FOXP1: variants seen among roughly 807,000 people sequenced by gnomAD.
FOXP1 encodes the protein forkhead box P1, also known as forkhead box protein P1.
In FOXP1, 15 loss-of-function variants were observed where a neutral mutation model predicts 98.2. The observed-to-expected ratio is 0.15, with a 90% CI of 0.10 to 0.24. The LOEUF (loss-of-function observed/expected upper bound fraction) is 0.24. FOXP1 is among the 10% of genes least tolerant of loss of function. The probability of loss-of-function intolerance (pLI) is 1.00; values close to 1 mark genes in which losing one functional copy is unlikely to be tolerated. For missense variants in FOXP1, 633 were observed against 848.5 expected (o/e 0.75, Z 3.15); for synonymous variants, 371 against 314.5 (o/e 1.18, Z -1.90).
intron 6 of FOXP1, among the ~76,000 whole-genome samples, chr3:71,143,699 C>A (rs2060174712): frequency 1.3e-5 from 2 of 152,056 alleles, no homozygotes; most frequent in South Asian, 4.1e-4. Flanking sequence ...TTAGAGGCCA[C>A]CCTGGGCAAC....
chr3:71,100,892 T>C (rs952617565), intron 7 of FOXP1, among the ~76,000 whole-genome samples: 1 of 152,102 alleles, frequency 6.6e-6, no homozygotes, highest in African/African-American at 2.4e-5. Context: ...GGCAGCAGGA[T>C]GGAGACATGG....
At chr3:71,411,506 T>C (rs771312024) in intron 3 of FOXP1, among the ~76,000 whole-genome samples, 5 of 152,140 alleles carry the variant, frequency 3.3e-5, no homozygotes, top group Non-Finnish European at 5.9e-5. Context: ...CTATTTTTAG[T>C]AGAGACAGGG....
chr3:71,227,418 C>A (rs1277481743), intron 5 of FOXP1, among the ~76,000 whole-genome samples: 2 of 152,174 alleles, frequency 1.3e-5, no homozygotes, highest in African/African-American at 4.8e-5. Flanking sequence ...AGAAACCCCC[C>A]AGAAAACTAT....
intron 2 of FOXP1, among the ~76,000 whole-genome samples, chr3:71,502,363 G>T (rs2041461547): frequency 2.0e-5 from 3 of 152,172 alleles, no homozygotes; most frequent in Non-Finnish European, 4.4e-5. Context: ...TAAGGCTTTT[G>T]TGGTAAACAT....
intron 4 of FOXP1, among the ~76,000 whole-genome samples, chr3:71,301,436 A>G: frequency 6.6e-6 from 1 of 152,202 alleles, no homozygotes; most frequent in East Asian, 1.9e-4. Context: ...CAAAGCGCAC[A>G]CAGAAATTTC....
chr3:71,110,402 T>TC (rs573273492), intron 7 of FOXP1, among the ~76,000 whole-genome samples: 198 of 152,122 alleles, frequency 1.3e-3, no homozygotes, highest in African/African-American at 3.5e-3. Flanking sequence ...GTGTAAGATT[T>TC]CCCCCCCAAT....
At chr3:71,441,566 G>A (rs1013150150) in intron 3 of FOXP1, among the ~76,000 whole-genome samples, 3 of 152,216 alleles carry the variant, frequency 2.0e-5, no homozygotes, top group African/African-American at 4.8e-5. Flanking sequence ...ATGATCCTAC[G>A]ATGCCCCCGG....
rs2031839256 is a variant in FOXP1 at position 70,956,544 on chromosome 3, T to TAACA, written c.*2699_*2702dup. 1 of 228,496 alleles carries TAACA rather than the reference T, an allele frequency of 4.4e-6. No individual in the cohort carries two copies. Among genetic ancestry groups the TAACA allele is most frequent in the East Asian group, 6.3e-5 (1 of 15,972 alleles). The allele number at this position is 228,496 out of a possible 1,614,324, so 14.2% of individuals were successfully genotyped here. A position where few individuals can be genotyped will look rare whatever the true frequency, so the allele number is the denominator to read the frequency against. On this transcript the variant is annotated 3_prime_UTR_variant, in exon 21 of 21. Transcript: ENST00000649528. The stretch of plus-strand genomic sequence containing the variant: ...AAGGTTTGAACTGAGGTATGCGTAC[T>TAACA]AACAGTTTCTCATGCTGTTATCTTT...
At chr3:70,997,572 T>C (rs116539644) in intron 13 of FOXP1, among the ~76,000 whole-genome samples, 1,720 of 152,312 alleles carry the variant, frequency 0.011, 39 homozygotes, top group African/African-American at 0.039. Flanking sequence ...TTTCATCTGA[T>C]TGAGTGATAA....
At chr3:71,120,675 G>A (rs1354117985) in intron 6 of FOXP1, among the ~76,000 whole-genome samples, 1 of 152,132 alleles carries the variant, frequency 6.6e-6, no homozygotes, top group African/African-American at 2.4e-5. Context: ...CATGGGTCAT[G>A]GGCAGTGTCA....
At chr3:71,560,085 T>G (rs900766461) in intron 2 of FOXP1, among the ~76,000 whole-genome samples, 1 of 152,192 alleles carries the variant, frequency 6.6e-6, no homozygotes, top group African/African-American at 2.4e-5. Flanking sequence ...CTGACAACAC[T>G]GTTTTAGCAC....
intron 14 of FOXP1, among the ~76,000 whole-genome samples, chr3:70,979,432 C>A (rs1182638943): frequency 2.0e-5 from 3 of 150,894 alleles, no homozygotes; most frequent in Admixed American, 6.6e-5. Context: ...TTTGTTGCAA[C>A]AGAAATATTA....
intron 2 of FOXP1, among the ~76,000 whole-genome samples, chr3:71,544,195 A>G (rs924992838): frequency 6.6e-6 from 1 of 151,946 alleles, no homozygotes; most frequent in Non-Finnish European, 1.5e-5. Context: ...AAAGATATAA[A>G]TAAAAATATA....
intron 5 of FOXP1, among the ~76,000 whole-genome samples, chr3:71,279,190 A>G (rs898785146): frequency 2.3e-4 from 35 of 151,700 alleles, no homozygotes; most frequent in East Asian, 5.8e-4. Flanking sequence ...AAAAAAAAAA[A>G]AAAGAAAGAA....
chr3:71,560,810 CAG>C (rs1192998982), intron 2 of FOXP1, among the ~76,000 whole-genome samples: 22 of 152,128 alleles, frequency 1.4e-4, no homozygotes, highest in African/African-American at 5.3e-4. Flanking sequence ...CAAAAGGCCA[CAG>C]AGAGTTTCAT....
intron 5 of FOXP1, among the ~76,000 whole-genome samples, chr3:71,215,695 CTA>C (rs1377601828): frequency 8.5e-5 from 13 of 152,122 alleles, no homozygotes; most frequent in African/African-American, 3.1e-4. Context: ...TGTCTCCTGG[CTA>C]TATGAGGACT....
At chr3:71,554,388 G>T (rs1453462370) in intron 2 of FOXP1, among the ~76,000 whole-genome samples, 1 of 151,964 alleles carries the variant, frequency 6.6e-6, no homozygotes, top group African/African-American at 2.4e-5. Flanking sequence ...AAATTCAAAT[G>T]TGTTTAATCA....
chr3:71,412,812 T>A (rs2082858839), intron 3 of FOXP1, among the ~76,000 whole-genome samples: 1 of 152,180 alleles, frequency 6.6e-6, no homozygotes, highest in Admixed American at 6.5e-5. Flanking sequence ...TCGTAATGCA[T>A]ATATTTTTTT....
intron 2 of FOXP1, among the ~76,000 whole-genome samples, chr3:71,577,372 G>A (rs533029038): frequency 3.0e-4 from 45 of 151,438 alleles, no homozygotes; most frequent in African/African-American, 9.2e-4. Context: ...AGCGACACAA[G>A]CCAAATCTGC....
Sources: gnomAD v4.1 joint callset for allele counts (sites outside exome capture counted in the v4.1 genomes callset) on GRCh38, gnomAD v4.1.1 for gene constraint, MANE v1.5 for transcripts, NCBI Gene and HGNC (gene_info 2026-07-23, HGNC 2026-07-21) for gene names.